The following ABHD6 variants were observed in gnomAD, a reference collection of about 807,000 sequenced individuals.
ABHD6 encodes the protein abhydrolase domain containing 6, acylglycerol lipase.
Under a neutral mutation model 38.8 loss-of-function variants are expected in ABHD6, and 33 were observed. That is an observed-to-expected ratio of 0.85 (90% CI 0.64 to 1.14). The LOEUF (loss-of-function observed/expected upper bound fraction) is 1.14, where lower values mean the gene tolerates loss of function less well. Among genes scored for constraint, ABHD6 ranks in the 50% most tolerant of loss-of-function variants. ABHD6 has a pLI of 0.00. For missense variants in ABHD6, 380 were observed against 422.6 expected, an observed-to-expected ratio of 0.90 and a Z score of 0.88; for synonymous variants, 147 against 161.6, an observed-to-expected ratio of 0.91 and a Z score of 0.69.
rs1393529492 is a variant in ABHD6 at position 58,251,069 on chromosome 3, C to T, written c.-26+1127C>T. On this transcript the variant is annotated intron_variant, in intron 2 of 9. Coordinates refer to ENST00000478253, the MANE Select transcript of ABHD6 (RefSeq NM_001320126.2). This position sits in a 1 kb window ranked among gnomAD's most constrained non-coding sequence, Gnocchi z 5.4. Reference sequence around the variant, plus strand: ...GTGCAGAAGCTTGCGCCTGTAATCCCAGCACTTTGGGAGGCCGAGGCGGGG... The same window carrying T: ...GTGCAGAAGCTTGCGCCTGTAATCCTAGCACTTTGGGAGGCCGAGGCGGGG... 6.6e-6 allele frequency among the ~76,000 whole-genome samples: 1 copy of T among 151,906 alleles called. No homozygotes were observed. The highest frequency in any genetic ancestry group is 1.5e-5 in the Non-Finnish European group (1 of 68,008).
At chr3:58,260,232 G>A (rs1412178536) in intron 3 of ABHD6, among the ~76,000 whole-genome samples, 13 of 152,210 alleles carry the variant, frequency 8.5e-5, no homozygotes, top group Non-Finnish European at 1.9e-4. Context: ...TTAATTGGCA[G>A]TATGGATGCA....
intron 1 of ABHD6, among the ~76,000 whole-genome samples, chr3:58,243,088 A>G (rs2097423981): frequency 2.0e-5 from 3 of 152,152 alleles, no homozygotes; most frequent in African/African-American, 7.2e-5. Context: ...TCCATGGTGT[A>G]TATGTGCCAC....
At position 58,263,207 on chromosome 3, in the gene ABHD6, A is replaced by AAAAAAT. The variant is rs1238952920; in HGVS notation, c.120-3966_120-3961dup. ...TGGGCAACAGAGCAAGACTCCATCT[A>AAAAAAT]AAAAATAAAAATAAAAATAAACAAA... is the stretch of plus-strand genomic sequence containing the variant. On this transcript the variant is annotated intron_variant, in intron 3 of 9. Transcript: ENST00000478253. This position sits in a 1 kb window ranked among gnomAD's most constrained non-coding sequence, Gnocchi z 4.9. Among the ~76,000 whole-genome samples the AAAAAAT allele has an allele frequency of 7.2e-4, 109 of 151,718 alleles. No individual in the cohort carries two copies. Among genetic ancestry groups the AAAAAAT allele is most frequent in the African/African-American group, 2.5e-3 (103 of 41,360 alleles).
rs35038625 is a variant in ABHD6, at chr3:58,266,432, TAA to T, written c.120-744_120-743del. Among the ~76,000 whole-genome samples the T allele has an allele frequency of 4.1e-4, 54 of 132,566 alleles. No homozygotes were observed. The highest frequency in any genetic ancestry group is 1.5e-3 in the East Asian group (7 of 4,582). The allele number at this position is 132,566 out of a possible 152,430, so 87.0% of individuals were successfully genotyped here. Reference sequence around the variant, plus strand: ...GTGGGTGACAGAGCGAGACTGTATCTAAAAAAAAAAAAAACCTGACCAAACAA... The same window carrying T: ...GTGGGTGACAGAGCGAGACTGTATCTAAAAAAAAAAAACCTGACCAAACAA... On this transcript the variant is annotated intron_variant, in intron 3 of 9. Transcript: ENST00000478253. This position sits in a 1 kb window ranked among gnomAD's most constrained non-coding sequence, Gnocchi z 4.0.
chr3:58,282,131 A>C (rs904266208), intron 7 of ABHD6, among the ~76,000 whole-genome samples: 1 of 152,144 alleles, frequency 6.6e-6, no homozygotes, highest in African/African-American at 2.4e-5. Flanking sequence ...GAGTATTAGG[A>C]AAGTAGTTTG....
intron 1 of ABHD6, among the ~76,000 whole-genome samples, chr3:58,242,800 C>T (rs892646382): frequency 6.6e-6 from 1 of 152,136 alleles, no homozygotes; most frequent in African/African-American, 2.4e-5. Flanking sequence ...TATACATGTG[C>T]CATGTTGGTT....
In ABHD6 at chr3:58,271,956, G is replaced by A. The variant is rs1250118949; in HGVS notation, c.523+892G>A. ...ATTTTTTGCATTTTCAGTAGAGGTG[G>A]AGTTTCGCAATGTTGGCTAGGCAAA... On this transcript the variant is annotated intron_variant, in intron 6 of 9. Coordinates refer to ENST00000478253, the MANE Select transcript of ABHD6 (RefSeq NM_001320126.2). Among the ~76,000 whole-genome samples, 3 of 151,738 alleles carry A rather than the reference G, an allele frequency of 2.0e-5. No individual in the cohort carries two copies. In the East Asian group the frequency reaches 5.8e-4, roughly 29 times the overall value.
Position 58,287,801 on chromosome 3 carries a change from G to A in ABHD6, c.837+2348G>A, listed in dbSNP as rs1051244833. 7.0e-4 allele frequency among the ~76,000 whole-genome samples: 106 copies of A among 152,340 alleles called. No individual in the cohort carries two copies. Among genetic ancestry groups the A allele is most frequent in the Admixed American group, 1.6e-3 (25 of 15,302 alleles). On this transcript the variant is annotated intron_variant, in intron 9 of 9. Coordinates refer to ENST00000478253, the MANE Select transcript of ABHD6 (RefSeq NM_001320126.2). The surrounding 1 kb of genome is among the most constrained non-coding windows in gnomAD (Gnocchi z 4.7). ...AAGTCTATGTTCCAGCCCTACTTTTGTCCTTGGTCAGCCCATGCATGACCT... is the reference window on the plus strand; with the variant it reads ...AAGTCTATGTTCCAGCCCTACTTTTATCCTTGGTCAGCCCATGCATGACCT...
At chr3:58,270,081 T>C (rs896908473) in intron 5 of ABHD6, among the ~76,000 whole-genome samples, 1 of 152,210 alleles carries the variant, frequency 6.6e-6, no homozygotes, top group Non-Finnish European at 1.5e-5. Flanking sequence ...CTGTACATAA[T>C]AGATATCCAA....
In ABHD6 at chr3:58,293,025, TCA is replaced by T. The variant is rs1280357775; in HGVS notation, c.838-562_838-561del. On this transcript the variant is annotated intron_variant, in intron 9 of 9. Coordinates refer to ENST00000478253, the MANE Select transcript of ABHD6 (RefSeq NM_001320126.2). This position sits in a 1 kb window ranked among gnomAD's most constrained non-coding sequence, Gnocchi z 4.4. ...CACAGGGCCAGCCTGATCAAGTCAC[TCA>T]CCTTAACACAGCCTGTGGTTCCCCA... Among the ~76,000 whole-genome samples, 1 of 152,146 alleles carries T rather than the reference TCA, an allele frequency of 6.6e-6. No individual in the cohort carries two copies. Among genetic ancestry groups the T allele is most frequent in the Non-Finnish European group, 1.5e-5 (1 of 68,034 alleles).
In ABHD6 at chr3:58,269,999, G is replaced by GT. The variant is rs1426824771; in HGVS notation, c.390+571dup. On this transcript the variant is annotated intron_variant, in intron 5 of 9. Coordinates refer to ENST00000478253, the MANE Select transcript of ABHD6 (RefSeq NM_001320126.2). This position sits in a 1 kb window ranked among gnomAD's most constrained non-coding sequence, Gnocchi z 4.4. The stretch of plus-strand genomic sequence containing the variant: ...TAATATCTGCCTCCTCCATTAAACT[G>GT]TTTTTTAAATTCGGTCAGGAACCTT... Among the ~76,000 whole-genome samples, 1 of 152,292 alleles carries GT rather than the reference G, an allele frequency of 6.6e-6. No individual in the cohort carries two copies. Among genetic ancestry groups the GT allele is most frequent in the East Asian group, 1.9e-4 (1 of 5,188 alleles).
At chr3:58,292,710 A>G (rs1463107339) in intron 9 of ABHD6, among the ~76,000 whole-genome samples, 1 of 151,948 alleles carries the variant, frequency 6.6e-6, no homozygotes, top group Non-Finnish European at 1.5e-5. Flanking sequence ...TGAGGTCAGG[A>G]GTTCGAGACC....
intron 1 of ABHD6, among the ~76,000 whole-genome samples, chr3:58,239,276 C>T (rs1425117762): frequency 6.6e-6 from 1 of 152,298 alleles, no homozygotes; most frequent in South Asian, 2.1e-4. Flanking sequence ...GCAAGGGCCT[C>T]TCAGCTTCTG....
At chr3:58,254,873 C>T (rs1420467049) in intron 2 of ABHD6, among the ~76,000 whole-genome samples, 1 of 151,160 alleles carries the variant, frequency 6.6e-6, no homozygotes, top group Non-Finnish European at 1.5e-5. Flanking sequence ...CACACACACA[C>T]ACACACACAC....
intron 7 of ABHD6, among the ~76,000 whole-genome samples, chr3:58,284,456 CTT>C (rs531312734): frequency 6.3e-5 from 9 of 142,268 alleles, no homozygotes; most frequent in Admixed American, 7.1e-5. Context: ...CTCATTATGT[CTT>C]TTTTTTTTTT....
chr3:58,285,340 C>G lies in ABHD6; in HGVS notation c.737-13C>G. The G allele has an allele frequency of 6.2e-7, 1 of 1,613,280 alleles. No homozygotes were observed. The highest frequency in any genetic ancestry group is 8.5e-7 in the Non-Finnish European group (1 of 1,179,202). The stretch of plus-strand genomic sequence containing the variant: ...TCCAGCACATACTCACTTTGTTTTC[C>G]TTTTCTGACAAGTGTTTTTGGAAAT... On this transcript the variant is annotated splice_polypyrimidine_tract_variant and intron_variant, in intron 8 of 9. Transcript: ENST00000478253. This position sits in a 1 kb window ranked among gnomAD's most constrained non-coding sequence, Gnocchi z 4.9.
intron 9 of ABHD6, among the ~76,000 whole-genome samples, chr3:58,290,674 G>T (rs1310499578): frequency 6.7e-6 from 1 of 148,536 alleles, no homozygotes; most frequent in Non-Finnish European, 1.5e-5. Context: ...GGGCGGCTGG[G>T]CAGAGACGCT....
chr3:58,252,903 G>A (rs1201623781), intron 2 of ABHD6, among the ~76,000 whole-genome samples: 2 of 152,212 alleles, frequency 1.3e-5, no homozygotes, highest in Non-Finnish European at 2.9e-5. Context: ...GGATGTTGTA[G>A]AGATAGGAAT....
chr3:58,255,333 A>G (rs542631499), intron 2 of ABHD6, among the ~76,000 whole-genome samples: 2 of 152,370 alleles, frequency 1.3e-5, no homozygotes, highest in East Asian at 3.9e-4. Flanking sequence ...TAAAAAGTGA[A>G]AAACCAAGTT....
Sources: allele counts gnomAD v4.1 joint callset (sites outside exome capture counted in the v4.1 genomes callset), GRCh38; gene constraint gnomAD v4.1.1; non-coding constraint Gnocchi (gnomAD v3.1); transcripts MANE v1.5; gene names NCBI Gene and HGNC (gene_info 2026-07-23, HGNC 2026-07-21).